Variants in SREBF2 observed in about 807,000 individuals in gnomAD.
The protein encoded by SREBF2 is sterol regulatory element binding transcription factor 2.
In SREBF2, 55 loss-of-function variants were observed where a neutral mutation model predicts 113.1. The ratio of observed to expected loss-of-function variants is 0.49; its 90% CI spans 0.39 to 0.61. SREBF2 has a LOEUF of 0.61. Ranked by LOEUF, SREBF2 falls within the 20% of genes least tolerant of loss-of-function variation. The probability of loss-of-function intolerance (pLI) is 0.00; values close to 1 mark genes in which losing one functional copy is unlikely to be tolerated. For synonymous variants in SREBF2, 593 were observed against 605.7 expected, an observed-to-expected ratio of 0.98 and a Z score of 0.31; for missense variants, 1,349 against 1,487.4, an observed-to-expected ratio of 0.91 and a Z score of 1.53.
chr22:41,844,899 A>G (rs1158475585), intron 1 of SREBF2, among the ~76,000 whole-genome samples: 1 of 151,244 alleles, frequency 6.6e-6, no homozygotes, highest in African/African-American at 2.4e-5. Flanking sequence ...TGTCTTCCTA[A>G]TAAGTGCTAT....
intron 11 of SREBF2, among the ~76,000 whole-genome samples, chr22:41,888,599 C>T (rs1006505056): frequency 2.0e-5 from 3 of 152,120 alleles, no homozygotes; most frequent in African/African-American, 7.2e-5. Flanking sequence ...TCTTTGTAGC[C>T]TCTTCATTCT....
At position 41,898,787 on chromosome 22, in the gene SREBF2, T is replaced by C. The variant is rs746835168; in HGVS notation, c.2738+6T>C. 3 of 1,613,890 alleles carry C rather than the reference T, an allele frequency of 1.9e-6. No individual in the cohort carries two copies. The South Asian group carries it at 3.3e-5, about 18-fold the overall frequency. On this transcript the variant is annotated splice_donor_region_variant and intron_variant, in intron 15 of 18. Coordinates refer to ENST00000361204, the MANE Select transcript of SREBF2 (RefSeq NM_004599.4). ...AAGGCCCTGGAAGTGACAGAGTGCG[T>C]AACCCTCCTTGGCCACTCACTTGCT...
intron 1 of SREBF2, among the ~76,000 whole-genome samples, chr22:41,866,396 A>G (rs1350110594): frequency 6.6e-6 from 1 of 152,164 alleles, no homozygotes; most frequent in African/African-American, 2.4e-5. Flanking sequence ...CTAAAATTAC[A>G]AAAATTAGCC....
At chr22:41,867,396 C>T in intron 2 of SREBF2, 116 bp downstream of exon 2, 1 of 1,145,322 alleles carries the variant, frequency 8.7e-7, no homozygotes, top group African/African-American at 1.5e-5. Context: ...CAATATGGTC[C>T]TGTCTGAATG....
chr22:41,904,392 G>A (rs1487699510), intron 17 of SREBF2: 10 of 356,804 alleles, frequency 2.8e-5, no homozygotes, highest in African/African-American at 6.4e-5. Flanking sequence ...ATACCTAAGC[G>A]CTGCAGACTT....
chr22:41,900,550 G>C, intron 16 of SREBF2, 52 bp downstream of exon 16: 1 of 1,575,346 alleles, frequency 6.3e-7, no homozygotes, highest in Non-Finnish European at 8.7e-7. Flanking sequence ...ACTGGTTTAC[G>C]AGAACACTCC....
In SREBF2 at chr22:41,877,547, G is replaced by T; in HGVS notation, c.1579+126G>T. On this transcript the variant is annotated intron_variant, in intron 8 of 18. Transcript: ENST00000361204. Reference sequence around the variant, plus strand: ...GGGCTTTTATAGTGGGCCCCCACCTGCTTGCTTCTGATAGGGACTGGCATA... The same window carrying T: ...GGGCTTTTATAGTGGGCCCCCACCTTCTTGCTTCTGATAGGGACTGGCATA... The T allele has an allele frequency of 2.7e-6, 3 of 1,122,260 alleles. No homozygotes were observed. In the South Asian group the frequency reaches 4.0e-5, roughly 15 times the overall value. The allele number at this position is 1,122,260 out of a possible 1,614,324, so 69.5% of individuals were successfully genotyped here.
chr22:41,883,377 T>C (rs2077268241), intron 10 of SREBF2, among the ~76,000 whole-genome samples: 1 of 152,108 alleles, frequency 6.6e-6, no homozygotes, highest in African/African-American at 2.4e-5. Context: ...AGTGGGGCCA[T>C]TGTGCAGCTT....
At chr22:41,895,285 G>A (rs377222499) in intron 13 of SREBF2, among the ~76,000 whole-genome samples, 148 of 152,014 alleles carry the variant, frequency 9.7e-4, no homozygotes, top group African/African-American at 3.4e-3. Flanking sequence ...GACTACAGGC[G>A]CCTGCCACCA....
rs138200400 is a variant in SREBF2 at position 41,880,969 on chromosome 22, G to T, written c.2015G>T (p.Arg672Leu). The T allele has an allele frequency of 6.2e-7, 1 of 1,608,954 alleles. No individual in the cohort carries two copies. The highest frequency in any genetic ancestry group is 8.5e-7 in the Non-Finnish European group (1 of 1,179,952). The change falls in exon 10 of 19, where the codon CGG becomes CTG. Residue 672 changes from arginine to leucine, a missense_variant. By Grantham distance (102) the Arg-to-Leu change is moderately radical. This residue lies in a region of SREBF2 where 650 missense variants were observed against 644.1 expected (regional missense o/e 1.01). Coordinates refer to ENST00000361204, the MANE Select transcript of SREBF2 (RefSeq NM_004599.4). ...CGGGATGCGGCTCTGGCCTATCACC[G>T]GCTGCACCAGCTGCACATCACAGGT... is the stretch of plus-strand genomic sequence containing the variant. ...SARDAALAYHRLHQLHITGKL... is the reference protein window; with the variant it reads ...SARDAALAYHLLHQLHITGKL...
intron 2 of SREBF2, among the ~76,000 whole-genome samples, chr22:41,867,924 A>G (rs1311828862): frequency 6.6e-6 from 1 of 152,248 alleles, no homozygotes; most frequent in Non-Finnish European, 1.5e-5. Context: ...CTCAGCTGCC[A>G]CAGTTGAGAA....
chr22:41,860,882 A>T (rs957447054), intron 1 of SREBF2, among the ~76,000 whole-genome samples: 2 of 152,174 alleles, frequency 1.3e-5, no homozygotes, highest in Non-Finnish European at 2.9e-5. Flanking sequence ...CCTGTCTCAA[A>T]AAAATAAAAA....
chr22:41,840,877 T>G (rs1358519005), intron 1 of SREBF2, among the ~76,000 whole-genome samples: 1 of 152,204 alleles, frequency 6.6e-6, no homozygotes, highest in African/African-American at 2.4e-5. Context: ...GCCATCAGCC[T>G]CCTTGTCACC....
intron 15 of SREBF2, 135 bp from the exon 16 acceptor site, chr22:41,900,195 T>C (rs1762305887): frequency 6.5e-7 from 1 of 1,527,518 alleles, no homozygotes; most frequent in Non-Finnish European, 8.8e-7. Context: ...CATGGTGCCA[T>C]AGTGGCAGCA....
intron 10 of SREBF2, among the ~76,000 whole-genome samples, chr22:41,884,415 G>A (rs2077279859): frequency 6.6e-6 from 1 of 152,226 alleles, no homozygotes; most frequent in Non-Finnish European, 1.5e-5. Context: ...GGGATTACAG[G>A]TGTGAGCCAC....
chr22:41,877,867 T>A, intron 8 of SREBF2, 75 bp from the exon 9 acceptor site: 1 of 1,474,022 alleles, frequency 6.8e-7, no homozygotes, highest in Non-Finnish European at 9.5e-7. Flanking sequence ...CCTGTGATAG[T>A]GCTGGGGTCT....
At chr22:41,873,752 A>T (rs2077167000) in intron 4 of SREBF2, 46 bp from the exon 5 acceptor site, 1 of 1,553,560 alleles carries the variant, frequency 6.4e-7, no homozygotes, top group Non-Finnish European at 8.7e-7. Context: ...TGCTTTATGC[A>T]GACTAACAAA....
rs73431000 is a variant in SREBF2, at chr22:41,905,993, C to T, written c.*333C>T. On this transcript the variant is annotated 3_prime_UTR_variant, in exon 19 of 19. Coordinates refer to ENST00000361204, the MANE Select transcript of SREBF2 (RefSeq NM_004599.4). Reference sequence around the variant, plus strand: ...TCTCTCTCCTGAACCCTACTCTCTCCTTTTTGCTTCCTCAGTTTTTATCAG... The same window carrying T: ...TCTCTCTCCTGAACCCTACTCTCTCTTTTTTGCTTCCTCAGTTTTTATCAG... The T allele has an allele frequency of 5.3e-3, 2,919 of 548,968 alleles. 76 individuals carry two copies. The highest frequency in any genetic ancestry group is 0.05 in the African/African-American group (2,705 of 53,656). 34.0% of individuals were successfully genotyped at this position (548,968 alleles called of 1,614,324 possible). A position where few individuals can be genotyped will look rare whatever the true frequency, so the allele number is the denominator to read the frequency against.
chr22:41,895,697 A>G (rs1214974530), intron 13 of SREBF2, among the ~76,000 whole-genome samples: 2 of 152,030 alleles, frequency 1.3e-5, no homozygotes, highest in African/African-American at 2.4e-5. Context: ...CGGCCTCCCA[A>G]AGTGCTGGGA....
Sources: allele counts gnomAD v4.1 joint callset (sites outside exome capture counted in the v4.1 genomes callset), GRCh38; gene constraint gnomAD v4.1.1; regional missense constraint gnomAD v4.1.1; transcripts MANE v1.5; gene names NCBI Gene and HGNC (gene_info 2026-07-23, HGNC 2026-07-21).